CACNA1B: variants seen among roughly 807,000 people sequenced by gnomAD.
CACNA1B encodes the protein calcium voltage-gated channel subunit alpha1 B.
Under a neutral mutation model 247.2 loss-of-function variants are expected in CACNA1B, and 70 were observed. The observed-to-expected ratio is 0.28, with a 90% CI of 0.23 to 0.35. CACNA1B has a LOEUF of 0.35. Ranked by LOEUF, CACNA1B falls within the 10% of genes least tolerant of loss-of-function variation. CACNA1B has a pLI of 1.00. For missense variants in CACNA1B, 2,367 were observed against 3,197.4 expected (o/e 0.74, Z 6.26); for synonymous variants, 1,231 against 1,294.4 (o/e 0.95, Z 1.05).
At position 138,024,970 on chromosome 9, in the gene CACNA1B, C is replaced by T; in HGVS notation, c.3084C>T (p.Asp1028=). 1.3e-6 allele frequency: 2 copies of T among 1,580,138 alleles called. No individual in the cohort carries two copies. The highest frequency in any genetic ancestry group is 1.2e-5 in the South Asian group (1 of 86,256). ...RNHQPREPHC[D]LETSGTVTVG... is the part of the protein sequence containing the mutation. ...TTGATTGCAGGGAGCCACACTGTGACCTGGAGACCAGTGGGACTGTGACTG... is the reference window on the plus strand; with the variant it reads ...TTGATTGCAGGGAGCCACACTGTGATCTGGAGACCAGTGGGACTGTGACTG... The change falls in exon 20 of 47, where the codon GAC becomes GAT. Residue 1028 remains aspartate (D), a synonymous_variant. Transcript: ENST00000371372.
At chr9:138,106,706 G>T (rs183156848) in intron 39 of CACNA1B, among the ~76,000 whole-genome samples, 27 of 152,338 alleles carry the variant, frequency 1.8e-4, no homozygotes, top group Admixed American at 7.8e-4. Context: ...GGAGGTTGCA[G>T]TGAGCTGAGA....
rs1958705466 is a variant in CACNA1B, at chr9:138,010,097, G to C, written c.2160+20G>C. 6.2e-7 allele frequency: 1 copy of C among 1,603,080 alleles called. No homozygotes were observed. Among genetic ancestry groups the C allele is most frequent in the Non-Finnish European group, 8.5e-7 (1 of 1,169,974 alleles). On this transcript the variant is annotated intron_variant, in intron 17 of 46. Coordinates refer to ENST00000371372, the MANE Select transcript of CACNA1B (RefSeq NM_000718.4). The surrounding 1 kb of genome is among the most constrained non-coding windows in gnomAD (Gnocchi z 5.3). ...ACCAAGGTAGGTGGCGACAGGGAGG[G>C]ACCGGTGTCAGCCCATGTCACTTGA...
At chr9:138,045,841 C>T (rs1278302277) in intron 21 of CACNA1B, among the ~76,000 whole-genome samples, 2 of 152,192 alleles carry the variant, frequency 1.3e-5, no homozygotes, top group African/African-American at 4.8e-5. Context: ...GCTGAGTTCC[C>T]TTCAAGGAAG....
At chr9:138,103,922 C>A (rs1252318588) in intron 38 of CACNA1B, among the ~76,000 whole-genome samples, 2 of 152,234 alleles carry the variant, frequency 1.3e-5, no homozygotes, top group African/African-American at 4.8e-5. Context: ...CCATCCTCAG[C>A]CCCTGCCCTG....
At chr9:138,064,885 G>C (rs748621296) in intron 31 of CACNA1B, among the ~76,000 whole-genome samples, 3 of 152,254 alleles carry the variant, frequency 2.0e-5, no homozygotes, top group Non-Finnish European at 4.4e-5. Flanking sequence ...GGCCTTGTGC[G>C]TGATGCCAGT....
At chr9:137,889,053 G>T (rs113170757) in intron 3 of CACNA1B, among the ~76,000 whole-genome samples, 288 of 144,004 alleles carry the variant, frequency 2.0e-3, no homozygotes, top group Middle Eastern at 0.011. Context: ...CTGCCTTCCC[G>T]CAAGGCGACC....
At chr9:138,076,127 A>AGG (rs1396223701) in intron 35 of CACNA1B, among the ~76,000 whole-genome samples, 2 of 152,146 alleles carry the variant, frequency 1.3e-5, no homozygotes, top group East Asian at 1.9e-4. Flanking sequence ...AACAGGCTGA[A>AGG]GGGAAGCCCT....
At chr9:138,008,192 G>A (rs751554838) in intron 16 of CACNA1B, among the ~76,000 whole-genome samples, 5 of 152,208 alleles carry the variant, frequency 3.3e-5, no homozygotes, top group South Asian at 2.1e-4. Context: ...AGGCAGCCCC[G>A]GTTGTCAGAG....
At chr9:138,053,740 T>G in intron 25 of CACNA1B, 106 bp from the exon 26 acceptor site, 1 of 489,930 alleles carries the variant, frequency 2.0e-6, no homozygotes, top group Non-Finnish European at 3.3e-6. Flanking sequence ...CTTCACCCCC[T>G]CATCGTGGCT....
Position 138,086,820 on chromosome 9 carries a change from A to G in CACNA1B, c.5094+8562A>G, listed in dbSNP as rs987449840. Among the ~76,000 whole-genome samples the G allele has an allele frequency of 2.0e-5, 3 of 151,268 alleles. 1 individual carries two copies. Among genetic ancestry groups the G allele is most frequent in the Non-Finnish European group, 4.4e-5 (3 of 68,014 alleles). On this transcript the variant is annotated intron_variant, in intron 36 of 46. Coordinates refer to ENST00000371372, the MANE Select transcript of CACNA1B (RefSeq NM_000718.4). Reference sequence around the variant, plus strand: ...GTGCCTTTTAGTCCAAATGGACCTAACAGACATTTCCAGAACTTTTCATCC... The same window carrying G: ...GTGCCTTTTAGTCCAAATGGACCTAGCAGACATTTCCAGAACTTTTCATCC...
intron 20 of CACNA1B, 28 bp from the exon 21 acceptor site, chr9:138,043,746 C>A (rs752266593): frequency 6.2e-7 from 1 of 1,613,668 alleles, no homozygotes; most frequent in Admixed American, 1.7e-5. Context: ...CACTACACCC[C>A]TTACTCGGGG....
intron 32 of CACNA1B, among the ~76,000 whole-genome samples, chr9:138,070,299 AG>A: frequency 6.6e-6 from 1 of 152,186 alleles, no homozygotes; most frequent in East Asian, 1.9e-4. Flanking sequence ...CCTGGGGTTC[AG>A]GGCTCGGGGG....
chr9:138,087,732 A>AG (rs1960746256), intron 36 of CACNA1B, among the ~76,000 whole-genome samples: 1 of 150,048 alleles, frequency 6.7e-6, no homozygotes, highest in East Asian at 1.9e-4. Context: ...AAAAAAAAAA[A>AG]AAAAAAAGAC....
At chr9:137,999,430 C>T (rs963184440) in intron 15 of CACNA1B, among the ~76,000 whole-genome samples, 1 of 151,448 alleles carries the variant, frequency 6.6e-6, no homozygotes, top group African/African-American at 2.4e-5. Context: ...AGTATCAACA[C>T]TTGTAAGAGG....
At chr9:138,048,500 T>G (rs1049214130) in intron 23 of CACNA1B, among the ~76,000 whole-genome samples, 2 of 152,136 alleles carry the variant, frequency 1.3e-5, no homozygotes, top group East Asian at 3.9e-4. Flanking sequence ...GGCATTGAGG[T>G]CCAAAGGCCC....
intron 20 of CACNA1B, among the ~76,000 whole-genome samples, chr9:138,039,482 C>A (rs73669839): frequency 6.6e-6 from 1 of 152,072 alleles, no homozygotes; most frequent in East Asian, 1.9e-4. Context: ...AACAAACTCT[C>A]GTTACTCTAA....
chr9:138,120,041 T>G, intron 44 of CACNA1B, 124 bp from the exon 45 acceptor site: 1 of 821,180 alleles, frequency 1.2e-6, no homozygotes, highest in Non-Finnish European at 1.9e-6. Flanking sequence ...TCCTTCTGAC[T>G]GTGAGACCAG....
Position 138,004,149 on chromosome 9 carries a change from G to A in CACNA1B, c.1975-2618G>A, listed in dbSNP as rs1296051691. 3.3e-5 allele frequency among the ~76,000 whole-genome samples: 5 copies of A among 152,106 alleles called. No homozygotes were observed. The East Asian group carries it at 9.6e-4, about 29-fold the overall frequency. ...ACTTCACATGTGCACAAGGGGACAC[G>A]GCAGCAAAAACCCGGAAGCCACTAA... On this transcript the variant is annotated intron_variant, in intron 15 of 46. Coordinates refer to ENST00000371372, the MANE Select transcript of CACNA1B (RefSeq NM_000718.4).
chr9:138,062,202 T>TC (rs532847998), intron 31 of CACNA1B, among the ~76,000 whole-genome samples: 15 of 151,968 alleles, frequency 9.9e-5, no homozygotes, highest in African/African-American at 3.6e-4. Context: ...CAACTTGTTT[T>TC]CCCCCCCACA....
Sources: allele counts gnomAD v4.1 joint callset (sites outside exome capture counted in the v4.1 genomes callset), GRCh38; gene constraint gnomAD v4.1.1; non-coding constraint Gnocchi (gnomAD v3.1); transcripts MANE v1.5; gene names NCBI Gene and HGNC (gene_info 2026-07-23, HGNC 2026-07-21).